Variants in LIMCH1 observed in about 807,000 individuals in gnomAD.
LIMCH1 encodes the protein LIM and calponin homology domains-containing protein 1.
Under a neutral mutation model 176.5 loss-of-function variants are expected in LIMCH1, and 113 were observed. The observed-to-expected ratio is 0.64, with a 90% confidence interval of 0.55 to 0.75. The LOEUF (loss-of-function observed/expected upper bound fraction) is 0.75, where lower values mean the gene tolerates loss of function less well. Among genes scored for constraint, LIMCH1 ranks in the 30% least tolerant of loss-of-function variants. The pLI, the probability that LIMCH1 is intolerant of heterozygous loss-of-function variation, is 0.00. For missense variants in LIMCH1, 1,674 were observed against 1,814.9 expected (o/e 0.92, Z 1.41); for synonymous variants, 619 against 645.9 (o/e 0.96, Z 0.63).
chr4:41,629,378 T>C, intron 8 of LIMCH1, 114 bp from the exon 9 acceptor site: 4 of 1,229,808 alleles, frequency 3.3e-6, no homozygotes, highest in Non-Finnish European at 3.3e-6. Flanking sequence ...AGTGTTTCCA[T>C]CATTTTGTTC....
Position 41,439,392 on chromosome 4 carries a change from C to T in LIMCH1, c.97-55144C>T, listed in dbSNP as rs556546543. Among the ~76,000 whole-genome samples the T allele has an allele frequency of 6.0e-4, 91 of 152,192 alleles. No homozygotes were observed. The South Asian group carries it at 0.019, about 31-fold the overall frequency. The stretch of plus-strand genomic sequence containing the variant: ...CTTGAGCCCAGGAGTTTGAGACCAG[C>T]CTGGGCAACATGGTGAAACCCCCAT... On this transcript the variant is annotated intron_variant, in intron 1 of 26. Transcript: ENST00000313860.
chr4:41,589,053 G>A (rs534919005), intron 1 of LIMCH1, among the ~76,000 whole-genome samples: 6 of 152,206 alleles, frequency 3.9e-5, no homozygotes, highest in Admixed American at 3.9e-4. Flanking sequence ...CAAAGAGGTG[G>A]GGATGCTGAA....
intron 1 of LIMCH1, among the ~76,000 whole-genome samples, chr4:41,419,670 T>TTCCTTCCTTCC (rs1561311988): frequency 1.4e-5 from 1 of 70,236 alleles, no homozygotes; most frequent in Non-Finnish European, 2.5e-5. Flanking sequence ...CCTTCCTTCC[T>TTCCTTCCTTCC]TCCTTCCTTC....
At position 41,494,566 on chromosome 4, in the gene LIMCH1, G is replaced by GTT. The variant is rs2071720011; in HGVS notation, c.127_128insTT (p.Asp43ValfsTer7). 2.5e-6 allele frequency: 4 copies of GTT among 1,613,172 alleles called. No individual in the cohort carries two copies. Among genetic ancestry groups the GTT allele is most frequent in the Non-Finnish European group, 3.4e-6 (4 of 1,179,576 alleles). Reference sequence around the variant, plus strand: ...AACTGGCAGAAGTTTTGGTGATAAAGATTTTCGGACAGGTTTAGAAAATGG... The same window carrying GTT: ...AACTGGCAGAAGTTTTGGTGATAAAGTTATTTTCGGACAGGTTTAGAAAATGG... On this transcript the variant is annotated frameshift_variant, in exon 2 of 27. Transcript: ENST00000313860. LOFTEE classifies it high-confidence loss of function.
At chr4:41,581,299 A>G (rs2085389671) in intron 1 of LIMCH1, among the ~76,000 whole-genome samples, 1 of 152,186 alleles carries the variant, frequency 6.6e-6, no homozygotes, top group African/African-American at 2.4e-5. Context: ...CATCACTGCA[A>G]ATGCAGTGAG....
At chr4:41,670,781 T>C (rs2094988562) in intron 21 of LIMCH1, 1 of 1,536,012 alleles carries the variant, frequency 6.5e-7, no homozygotes, top group Non-Finnish European at 8.7e-7. Flanking sequence ...TCCCAGTTTT[T>C]CTCCCAGTCA....
At chr4:41,431,721 A>G (rs1315307255) in intron 1 of LIMCH1, among the ~76,000 whole-genome samples, 1 of 152,160 alleles carries the variant, frequency 6.6e-6, no homozygotes, top group Non-Finnish European at 1.5e-5. Context: ...TCCCTCACCC[A>G]TCATCTGTTA....
chr4:41,591,609 G>T (rs140783314), intron 1 of LIMCH1, among the ~76,000 whole-genome samples: 17 of 152,118 alleles, frequency 1.1e-4, no homozygotes, highest in African/African-American at 4.1e-4. Context: ...CTTCAAAAGT[G>T]GTAATTCTAG....
Position 41,666,659 on chromosome 4 carries a change from T to C in LIMCH1, c.3390T>C (p.Asn1130=). The C allele has an allele frequency of 3.7e-6, 6 of 1,605,836 alleles. No individual in the cohort carries two copies. The highest frequency in any genetic ancestry group is 4.3e-6 in the Non-Finnish European group (5 of 1,172,466). ...ACCAACTACATTTGCCAAATCTCAA[T>C]TCTCAAGGTAAAGAGGACATGTTTT... ...EANQLHLPNL[N]SQVDSPSSEK... is the part of the protein sequence containing the mutation. The change falls in exon 21 of 32, where the codon AAT becomes AAC. Residue 1130 remains asparagine (N), a synonymous_variant. Coordinates refer to ENST00000503057, the MANE Select transcript of LIMCH1 (RefSeq NM_001330672.2).
intron 1 of LIMCH1, among the ~76,000 whole-genome samples, chr4:41,561,985 C>G (rs1048407203): frequency 2.0e-5 from 3 of 152,198 alleles, no homozygotes; most frequent in Admixed American, 1.3e-4. Context: ...CTGCACGTCT[C>G]ACCCTCTTTC....
At chr4:41,471,383 C>T (rs61094247) in intron 1 of LIMCH1, among the ~76,000 whole-genome samples, 34,361 of 151,940 alleles carry the variant, frequency 0.23, 4,462 homozygotes, top group African/African-American at 0.36. Context: ...CTGGGTGGAA[C>T]AATGCTTAAT....
intron 2 of LIMCH1, among the ~76,000 whole-genome samples, chr4:41,501,428 C>T (rs2073246780): frequency 6.6e-6 from 1 of 152,132 alleles, no homozygotes; most frequent in Non-Finnish European, 1.5e-5. Flanking sequence ...GCTTAGAAGG[C>T]CGAAAAGATT....
chr4:41,689,873 T>G, intron 30 of LIMCH1: 1 of 369,758 alleles, frequency 2.7e-6, no homozygotes. Context: ...TTTTTGTTGC[T>G]AAAGAACATA....
At chr4:41,645,601 A>G (rs1284378476) in intron 15 of LIMCH1, among the ~76,000 whole-genome samples, 2 of 152,302 alleles carry the variant, frequency 1.3e-5, no homozygotes, top group African/African-American at 2.4e-5. Flanking sequence ...TCATTATGCT[A>G]TAACTACCTG....
intron 12 of LIMCH1, among the ~76,000 whole-genome samples, 158 bp from the exon 13 acceptor site, chr4:41,633,390 G>C (rs1343046236): frequency 6.6e-6 from 1 of 152,222 alleles, no homozygotes; most frequent in Non-Finnish European, 1.5e-5. Flanking sequence ...GAGGGTCCCA[G>C]TACTCAAAAG....
At chr4:41,402,625 A>G (rs1298814752) in intron 1 of LIMCH1, among the ~76,000 whole-genome samples, 4 of 138,930 alleles carry the variant, frequency 2.9e-5, no homozygotes, top group Admixed American at 2.9e-4. Context: ...GCACATATAC[A>G]CCATGGAATA....
intron 2 of LIMCH1, among the ~76,000 whole-genome samples, chr4:41,601,829 A>G (rs1293898076): frequency 6.6e-6 from 1 of 152,132 alleles, no homozygotes; most frequent in Non-Finnish European, 1.5e-5. Context: ...TGCTTGTAAC[A>G]TATGCAGATT....
At chr4:41,428,216 G>A (rs2154134643) in intron 1 of LIMCH1, among the ~76,000 whole-genome samples, 1 of 152,244 alleles carries the variant, frequency 6.6e-6, no homozygotes, top group Admixed American at 6.5e-5. Context: ...TGAACTCTGA[G>A]GCCAGTTGGT....
In LIMCH1 at chr4:41,524,607, A is replaced by G. The variant is rs558399294; in HGVS notation, c.237+129A>G. 181 of 718,302 alleles carry G rather than the reference A, an allele frequency of 2.5e-4. 3 individuals are homozygous for G. The highest frequency in any genetic ancestry group is 2.1e-3 in the South Asian group (124 of 59,402). 44.5% of individuals were successfully genotyped at this position (718,302 alleles called of 1,614,324 possible). A position where few individuals can be genotyped will look rare whatever the true frequency, so the allele number is the denominator to read the frequency against. ...ACTTGAATGAGAACGCATTGAATCC[A>G]TTAAACGAAGAGGTCACTTAAAATG... On this transcript the variant is annotated intron_variant, in intron 3 of 26. Transcript: ENST00000313860.
Sources: allele counts gnomAD v4.1 joint callset (sites outside exome capture counted in the v4.1 genomes callset), GRCh38; gene constraint gnomAD v4.1.1; transcripts MANE v1.5; gene names NCBI Gene and HGNC (gene_info 2026-07-23, HGNC 2026-07-21).